ARHGAP15: variants seen among roughly 807,000 people sequenced by gnomAD.
ARHGAP15 encodes rho GTPase-activating protein 15.
Under a neutral mutation model 63.7 loss-of-function variants are expected in ARHGAP15, and 51 were observed. The ratio of observed to expected loss-of-function variants is 0.80; its 90% CI spans 0.64 to 1.01. ARHGAP15 has a LOEUF of 1.01. Among genes scored for constraint, ARHGAP15 ranks in the 50% least tolerant of loss-of-function variants. ARHGAP15 has a pLI of 0.00. For missense variants in ARHGAP15, 560 were observed against 564.6 expected, an observed-to-expected ratio of 0.99 and a Z score of 0.08; for synonymous variants, 191 against 193.8, an observed-to-expected ratio of 0.99 and a Z score of 0.12.
intron 3 of ARHGAP15, among the ~76,000 whole-genome samples, chr2:143,209,079 A>G (rs1692469715): frequency 6.6e-6 from 1 of 152,170 alleles, no homozygotes; most frequent in Admixed American, 6.6e-5. Flanking sequence ...TTTGAGCATG[A>G]AAGACATTGT....
chr2:143,636,845 T>G (rs1453898396), intron 12 of ARHGAP15, among the ~76,000 whole-genome samples: 1 of 151,896 alleles, frequency 6.6e-6, no homozygotes, highest in East Asian at 1.9e-4. Context: ...TACCAGAGAG[T>G]GTGTGGCTTA....
chr2:143,705,716 C>T (rs1684297930), intron 13 of ARHGAP15, among the ~76,000 whole-genome samples: 1 of 152,028 alleles, frequency 6.6e-6, no homozygotes, highest in Non-Finnish European at 1.5e-5. Flanking sequence ...GTTACTCTGT[C>T]CCAATTATTC....
At chr2:143,165,819 CT>C (rs1349754734) in intron 2 of ARHGAP15, among the ~76,000 whole-genome samples, 1 of 151,914 alleles carries the variant, frequency 6.6e-6, no homozygotes, top group Non-Finnish European at 1.5e-5. Flanking sequence ...GCAACTTCCT[CT>C]TTTACCATGA....
intron 6 of ARHGAP15, among the ~76,000 whole-genome samples, chr2:143,413,244 A>T (rs1377059501): frequency 1.3e-5 from 2 of 152,212 alleles, no homozygotes; most frequent in Non-Finnish European, 2.9e-5. Context: ...CCTTTAGGTT[A>T]GGAGCAGATC....
chr2:143,389,066 G>GAAA (rs1687425844), intron 6 of ARHGAP15, among the ~76,000 whole-genome samples: 1 of 148,502 alleles, frequency 6.7e-6, no homozygotes, highest in South Asian at 2.2e-4. Flanking sequence ...TTTTTAAAAG[G>GAAA]AGTAGCTTAA....
chr2:143,305,602 T>A (rs1365466788), intron 6 of ARHGAP15: 1 of 152,118 alleles, frequency 6.6e-6, no homozygotes, highest in Non-Finnish European at 1.5e-5. Flanking sequence ...AAATATTGGC[T>A]CTCTAAACCT....
chr2:143,487,294 T>C (rs1692367221), intron 8 of ARHGAP15, 79 bp from the exon 9 acceptor site: 1 of 1,495,606 alleles, frequency 6.7e-7, no homozygotes, highest in Non-Finnish European at 9.0e-7. Flanking sequence ...ATAACTACTG[T>C]TTTCTATTCA....
intron 1 of ARHGAP15, among the ~76,000 whole-genome samples, chr2:143,146,168 AG>A (rs972982112): frequency 5.3e-5 from 8 of 152,034 alleles, no homozygotes; most frequent in African/African-American, 1.7e-4. Context: ...AGAGTGAAAA[AG>A]CAACCCACAA....
chr2:143,395,959 T>C (rs1687738952), intron 6 of ARHGAP15, among the ~76,000 whole-genome samples: 1 of 152,022 alleles, frequency 6.6e-6, no homozygotes, highest in South Asian at 2.1e-4. Context: ...TCAGGTGTAC[T>C]GGCAGATGAA....
intron 9 of ARHGAP15, among the ~76,000 whole-genome samples, chr2:143,510,651 C>A (rs958438718): frequency 6.6e-6 from 1 of 152,216 alleles, no homozygotes; most frequent in African/African-American, 2.4e-5. Context: ...CTTAATACAG[C>A]CACAGTGTTG....
intron 3 of ARHGAP15, among the ~76,000 whole-genome samples, chr2:143,213,352 A>C (rs935519948): frequency 6.6e-6 from 1 of 152,148 alleles, no homozygotes; most frequent in Non-Finnish European, 1.5e-5. Flanking sequence ...TGTCTCTATT[A>C]AAAATACAAA....
At chr2:143,174,758 C>A (rs1284067983) in intron 2 of ARHGAP15, among the ~76,000 whole-genome samples, 1 of 152,122 alleles carries the variant, frequency 6.6e-6, no homozygotes, top group Non-Finnish European at 1.5e-5. Context: ...TCCCCCATAT[C>A]TGGAGGGACA....
intron 4 of ARHGAP15, among the ~76,000 whole-genome samples, chr2:143,222,107 G>A (rs1300126872): frequency 6.6e-6 from 1 of 152,186 alleles, no homozygotes; most frequent in Non-Finnish European, 1.5e-5. Flanking sequence ...TTACACCTCA[G>A]TGTCTTTTTG....
At chr2:143,566,543 G>C (rs1283161394) in intron 11 of ARHGAP15, among the ~76,000 whole-genome samples, 1 of 152,042 alleles carries the variant, frequency 6.6e-6, no homozygotes, top group Non-Finnish European at 1.5e-5. Flanking sequence ...GAAAATACTA[G>C]GATCTGCAGG....
intron 8 of ARHGAP15, among the ~76,000 whole-genome samples, chr2:143,471,090 A>G (rs191816884): frequency 9.6e-4 from 143 of 149,612 alleles, no homozygotes; most frequent in African/African-American, 3.4e-3. Flanking sequence ...ATAAATGTAT[A>G]TGATACACAT....
chr2:143,701,539 G>A (rs1312552395), intron 12 of ARHGAP15, among the ~76,000 whole-genome samples: 1 of 152,114 alleles, frequency 6.6e-6, no homozygotes, highest in South Asian at 2.1e-4. Flanking sequence ...TTCAAGACCT[G>A]CTTGGGCATC....
intron 1 of ARHGAP15, among the ~76,000 whole-genome samples, chr2:143,154,334 C>T (rs1042558285): frequency 6.6e-5 from 10 of 151,776 alleles, no homozygotes; most frequent in Non-Finnish European, 1.2e-4. Context: ...AAAATATTTC[C>T]TTTTCTGTTC....
At chr2:143,560,354 A>G (rs774935141) in intron 11 of ARHGAP15, among the ~76,000 whole-genome samples, 3 of 152,214 alleles carry the variant, frequency 2.0e-5, no homozygotes, top group Non-Finnish European at 4.4e-5. Flanking sequence ...TACATAATTT[A>G]ATCTAATCCT....
intron 11 of ARHGAP15, among the ~76,000 whole-genome samples, chr2:143,584,084 T>C (rs1460135330): frequency 2.6e-5 from 4 of 152,206 alleles, no homozygotes; most frequent in African/African-American, 4.8e-5. Flanking sequence ...TTTTTTGAAC[T>C]GTTAAAATGC....
Sources: gnomAD v4.1 joint callset for allele counts (sites outside exome capture counted in the v4.1 genomes callset) on GRCh38, gnomAD v4.1.1 for gene constraint, MANE v1.5 for transcripts, NCBI Gene and HGNC (gene_info 2026-07-23, HGNC 2026-07-21) for gene names.